The following SFRP4 variants were observed in gnomAD, a reference collection of about 807,000 sequenced individuals.
The protein encoded by SFRP4 is secreted frizzled related protein 4.
Under a neutral mutation model 36.3 loss-of-function variants are expected in SFRP4, and 25 were observed. The ratio of observed to expected loss-of-function variants is 0.69; its 90% CI spans 0.50 to 0.96. SFRP4 has a LOEUF of 0.96. SFRP4 is among the 40% of genes least tolerant of loss of function. SFRP4 has a pLI of 0.00. For missense variants in SFRP4, 487 were observed against 459.6 expected, an observed-to-expected ratio of 1.06 and a Z score of -0.54; for synonymous variants, 182 against 168.8, an observed-to-expected ratio of 1.08 and a Z score of -0.60.
chr7:37,909,578 A>G, intron 5 of SFRP4, 39 bp downstream of exon 5: 1 of 1,180,640 alleles, frequency 8.5e-7, no homozygotes, highest in Non-Finnish European at 1.2e-6. Flanking sequence ...TGTTATGTGC[A>G]CTTACATCCA....
At position 37,916,533 on chromosome 7, in the gene SFRP4, A is replaced by C. The variant is rs746008646; in HGVS notation, c.5T>G (p.Phe2Cys). 8.7e-6 allele frequency: 14 copies of C among 1,605,998 alleles called. 1 individual carries two copies. The South Asian group carries it at 1.5e-4, about 18-fold the overall frequency. M[F>C]LSILVALCLW... Reference sequence around the variant, plus strand: ...GCACAGCGCCACTAGGATGGAGAGGAACATGGCACTGCCCTCTCGCGCTGC... The same window carrying C: ...GCACAGCGCCACTAGGATGGAGAGGCACATGGCACTGCCCTCTCGCGCTGC... The change falls in exon 1 of 6, where the codon TTC (phenylalanine) becomes TGC (cysteine). Residue 2 changes from phenylalanine to cysteine, a missense_variant. Physicochemically the swap from Phe to Cys is radical, Grantham distance 205. Transcript: ENST00000436072. The surrounding 1 kb of genome is among the most constrained non-coding windows in gnomAD (Gnocchi z 4.1).
rs371133193 is a variant in SFRP4 at position 37,907,459 on chromosome 7, C to T, written c.*20G>A. 267 of 1,604,300 alleles carry T rather than the reference C, an allele frequency of 1.7e-4. 1 individual carries two copies. The South Asian group carries it at 2.0e-3, about 12-fold the overall frequency. ...ATCCTGTAAGGAAGTCGGAAGTCTC[C>T]GCTTTGGAAACTAGTTAGCTCACAC... is the stretch of plus-strand genomic sequence containing the variant. On this transcript the variant is annotated 3_prime_UTR_variant, in exon 6 of 6. Transcript: ENST00000436072.
intron 4 of SFRP4, 134 bp downstream of exon 4, chr7:37,911,985 G>C (rs1453751930): frequency 1.8e-6 from 1 of 566,658 alleles, no homozygotes; most frequent in Admixed American, 3.2e-5. Context: ...TATTCAAACA[G>C]AGGCATCTGT....
intron 3 of SFRP4, among the ~76,000 whole-genome samples, chr7:37,913,569 A>G (rs1243607293): frequency 6.6e-6 from 1 of 152,218 alleles, no homozygotes. Context: ...TCAGATGACA[A>G]TTGTGAAATT....
rs1785390937 is a variant in SFRP4 at position 37,906,133 on chromosome 7, A to T, written c.*1346T>A. On this transcript the variant is annotated 3_prime_UTR_variant, in exon 6 of 6. Transcript: ENST00000436072. ...GCAGGTTATGAAACACATGTATAGC[A>T]GGTTCCTAGTTTTATTTGTTCAAAT... is the stretch of plus-strand genomic sequence containing the variant. The T allele has an allele frequency of 6.6e-6, 1 of 152,214 alleles. No individual in the cohort carries two copies. The highest frequency in any genetic ancestry group is 1.5e-5 in the Non-Finnish European group (1 of 68,032). 9.4% of individuals were successfully genotyped at this position (152,214 alleles called of 1,614,324 possible). A position where few individuals can be genotyped will look rare whatever the true frequency, so the allele number is the denominator to read the frequency against.
rs946302056 is a variant in SFRP4, at chr7:37,916,354, C to G, written c.184G>C (p.Glu62Gln). The change falls in exon 1 of 6, where the codon GAG becomes CAG. Residue 62 changes from glutamate to glutamine, a missense_variant. Physicochemically the swap from Glu to Gln is conservative, Grantham distance 29. Transcript: ENST00000436072. This position sits in a 1 kb window ranked among gnomAD's most constrained non-coding sequence, Gnocchi z 4.1. Reference sequence around the variant, plus strand: ...CTGCAGTTCACGTCCACCAGCTCCTCGTACTGCTCGATGGCCAGGATGGCG... The same window carrying G: ...CTGCAGTTCACGTCCACCAGCTCCTGGTACTGCTCGATGGCCAGGATGGCG... Reference protein sequence around the residue: ...ENAILAIEQYEELVDVNCSAV... With the variant: ...ENAILAIEQYQELVDVNCSAV... 1 of 1,614,238 alleles carries G rather than the reference C, an allele frequency of 6.2e-7. No individual in the cohort carries two copies. The highest frequency in any genetic ancestry group is 8.5e-7 in the Non-Finnish European group (1 of 1,180,034).
rs1184968478 is a variant in SFRP4, at chr7:37,916,138, C to T, written c.400G>A (p.Gly134Ser). 6.2e-7 allele frequency: 1 copy of T among 1,614,080 alleles called. No homozygotes were observed. The highest frequency in any genetic ancestry group is 8.5e-7 in the Non-Finnish European group (1 of 1,180,026). ...ATGGCTTCAGGCGAGATGCACACGC[C>T]ACGGTCATAGACAGGCAGCTCGTCG... ...ACDELPVYDR[G>S]VCISPEAIVT... Residue 134 changes from glycine to serine, a missense_variant, in exon 1 of 6, where the codon GGC becomes AGC. Physicochemically the swap from Gly to Ser is moderately conservative, Grantham distance 56. Transcript: ENST00000436072. This position sits in a 1 kb window ranked among gnomAD's most constrained non-coding sequence, Gnocchi z 4.1.
rs780282741 is a variant in SFRP4, at chr7:37,912,114, C to T, written c.791+5G>A. 4.3e-6 allele frequency: 7 copies of T among 1,611,560 alleles called. No homozygotes were observed. Among genetic ancestry groups the T allele is most frequent in the Middle Eastern group, 1.7e-4 (1 of 6,058 alleles). On this transcript the variant is annotated splice_donor_5th_base_variant and intron_variant, in intron 4 of 5. Coordinates refer to ENST00000436072, the MANE Select transcript of SFRP4 (RefSeq NM_003014.4). The stretch of plus-strand genomic sequence containing the variant: ...ATACAGTTCCTTCTGCCTCTTTGTG[C>T]CTACCTTGAGCGCCACTCGTAACAC...
In SFRP4 at chr7:37,907,483, A is replaced by T. The variant is rs375649904; in HGVS notation, c.1037T>A (p.Val346Glu). Reference sequence around the variant, plus strand: ...CCGCTTTGGAAACTAGTTAGCTCACACTCTTTTCGGGTTTGTTCTCTTCTG... The same window carrying T: ...CCGCTTTGGAAACTAGTTAGCTCACTCTCTTTTCGGGTTTGTTCTCTTCTG... ...SAQKRTNPKR[V>E] Residue 346 changes from valine to glutamate, a missense_variant, in exon 6 of 6, where the codon GTG (valine) becomes GAG (glutamate). Physicochemically the swap from Val to Glu is moderately radical, Grantham distance 121. Transcript: ENST00000436072. The T allele has an allele frequency of 6.2e-7, 1 of 1,611,764 alleles. No individual in the cohort carries two copies. Among genetic ancestry groups the T allele is most frequent in the East Asian group, 2.2e-5 (1 of 44,824 alleles).
Position 37,914,690 on chromosome 7 carries a change from C to G in SFRP4, c.446-237G>C, listed in dbSNP as rs532469619. 2.6e-5 allele frequency among the ~76,000 whole-genome samples: 4 copies of G among 152,196 alleles called. No homozygotes were observed. In the East Asian group the frequency reaches 5.8e-4, roughly 22 times the overall value. On this transcript the variant is annotated intron_variant, in intron 1 of 5. Transcript: ENST00000436072. ...GACCAGTCTGGCCAATATGGTGAAA[C>G]CCCATCTCTACTAAAAATACAAAAA...
chr7:37,913,085 T>C (rs3823513), intron 3 of SFRP4, among the ~76,000 whole-genome samples: 82,053 of 151,998 alleles, frequency 0.54, 22,550 homozygotes, highest in Non-Finnish European at 0.6. Flanking sequence ...GACATGACAG[T>C]GAAACTCAGA....
chr7:37,907,692 T>C, intron 5 of SFRP4, 28 bp from the exon 6 acceptor site: 1 of 1,541,104 alleles, frequency 6.5e-7, no homozygotes, highest in Non-Finnish European at 8.9e-7. Flanking sequence ...AACATGACTG[T>C]CAAATTATCT....
At chr7:37,910,700 ATG>A (rs1222419983) in intron 4 of SFRP4, among the ~76,000 whole-genome samples, 2 of 152,178 alleles carry the variant, frequency 1.3e-5, no homozygotes, top group African/African-American at 4.8e-5. Flanking sequence ...AGTGAAAAGA[ATG>A]TATTTTTTTA....
rs1254857560 is a variant in SFRP4 at position 37,906,537 on chromosome 7, T to C, written c.*942A>G. 6.6e-6 allele frequency: 1 copy of C among 152,200 alleles called. No individual in the cohort carries two copies. The highest frequency in any genetic ancestry group is 1.5e-5 in the Non-Finnish European group (1 of 68,008). The allele number at this position is 152,200 out of a possible 1,614,324, so 9.4% of individuals were successfully genotyped here. Reference sequence around the variant, plus strand: ...TATTTAGGCAAAGAAAATATTTAAATGAAGAAAACAAAATTTGGCACTCAC... The same window carrying C: ...TATTTAGGCAAAGAAAATATTTAAACGAAGAAAACAAAATTTGGCACTCAC... On this transcript the variant is annotated 3_prime_UTR_variant, in exon 6 of 6. Transcript: ENST00000436072.
chr7:37,915,578 T>A (rs1785560692), intron 1 of SFRP4, among the ~76,000 whole-genome samples: 1 of 152,164 alleles, frequency 6.6e-6, no homozygotes, highest in Non-Finnish European at 1.5e-5. Context: ...CCAATGACTA[T>A]GAAACAGACC....
At position 37,916,214 on chromosome 7, in the gene SFRP4, G is replaced by T. The variant is rs768560715; in HGVS notation, c.324C>A (p.Cys108Ter). 5 of 1,614,188 alleles carry T rather than the reference G, an allele frequency of 3.1e-6. No individual in the cohort carries two copies. Among genetic ancestry groups the T allele is most frequent in the South Asian group, 1.1e-5 (1 of 91,088 alleles). The change falls in exon 1 of 6, where the codon TGC (cysteine) becomes TGA (stop). Residue 108 changes from cysteine to a stop codon, truncating the protein, a stop_gained. Transcript: ENST00000436072. LOFTEE classifies it high-confidence loss of function. The surrounding 1 kb of genome is among the most constrained non-coding windows in gnomAD (Gnocchi z 4.1). ...GGTTGTACATCTTCATGAGGGGCTC[G>T]CAGTCGTCGCGCGCGCGTTGGCACA... is the stretch of plus-strand genomic sequence containing the variant. ...KSVCQRARDD[C>*]EPLMKMYNHS...
In SFRP4 at chr7:37,916,739, C is replaced by T. The variant is rs1021346476; in HGVS notation, c.-202G>A. ...CGCCGTCTGGCACACAGGGCACGAG[C>T]AGCGCCAGCTCTCAGCCTTCGGGGC... On this transcript the variant is annotated 5_prime_UTR_variant, in exon 1 of 6. Transcript: ENST00000436072. The surrounding 1 kb of genome is among the most constrained non-coding windows in gnomAD (Gnocchi z 4.1). The T allele has an allele frequency of 1.6e-5, 12 of 763,948 alleles. No individual in the cohort carries two copies. Among genetic ancestry groups the T allele is most frequent in the Non-Finnish European group, 2.3e-5 (11 of 487,224 alleles). 47.3% of individuals were successfully genotyped at this position (763,948 alleles called of 1,614,324 possible).
intron 5 of SFRP4, 48 bp downstream of exon 5, chr7:37,909,569 G>T (rs372476594): frequency 3.7e-6 from 4 of 1,087,918 alleles, no homozygotes; most frequent in African/African-American, 3.3e-5. Flanking sequence ...AAAGAAATCT[G>T]TTATGTGCAC....
At position 37,914,440 on chromosome 7, in the gene SFRP4, T is replaced by A. The variant is rs1210332253; in HGVS notation, c.459A>T (p.Ile153=). 6.2e-7 allele frequency: 1 copy of A among 1,613,664 alleles called. No homozygotes were observed. The highest frequency in any genetic ancestry group is 8.5e-7 in the Non-Finnish European group (1 of 1,179,512). The change falls in exon 2 of 6, where the codon ATA becomes ATT. Residue 153 remains isoleucine (I), a synonymous_variant. Coordinates refer to ENST00000436072, the MANE Select transcript of SFRP4 (RefSeq NM_003014.4). ...VTDLPEDVKW[I]DITPDMMVQE... ...GTACCATCATGTCTGGTGTGATGTCTATCCACTTAACATCTGAAACACAAA... is the reference window on the plus strand; with the variant it reads ...GTACCATCATGTCTGGTGTGATGTCAATCCACTTAACATCTGAAACACAAA...
Sources: allele counts gnomAD v4.1 joint callset (sites outside exome capture counted in the v4.1 genomes callset), GRCh38; gene constraint gnomAD v4.1.1; non-coding constraint Gnocchi (gnomAD v3.1); transcripts MANE v1.5; gene names NCBI Gene and HGNC (gene_info 2026-07-23, HGNC 2026-07-21).